Variants in DDC observed in about 807,000 individuals in gnomAD.
The protein encoded by DDC is dopa decarboxylase.
DDC carries 43 observed loss-of-function variants against 60.0 expected under a neutral mutation model. The ratio of observed to expected loss-of-function variants is 0.72; its 90% CI spans 0.56 to 0.92. The LOEUF is 0.92. Ranked by LOEUF, DDC falls within the 40% of genes least tolerant of loss-of-function variation. DDC has a pLI of 0.00. For missense variants in DDC, 573 were observed against 620.2 expected (o/e 0.92, Z 0.81); for synonymous variants, 232 against 234.6 (o/e 0.99, Z 0.10).
intron 4 of DDC, among the ~76,000 whole-genome samples, chr7:50,533,404 T>C (rs2153547133): frequency 6.6e-6 from 1 of 152,140 alleles, no homozygotes; most frequent in African/African-American, 2.4e-5. Flanking sequence ...CAAATGATTC[T>C]CCTGCCTCAA....
intron 1 of DDC, among the ~76,000 whole-genome samples, chr7:50,551,804 T>G (rs933539997): frequency 2.6e-5 from 4 of 152,220 alleles, no homozygotes; most frequent in Non-Finnish European, 5.9e-5. Context: ...TAGTGAAATC[T>G]CATAATCTTT....
intron 6 of DDC, among the ~76,000 whole-genome samples, chr7:50,508,789 C>T (rs541282110): frequency 6.6e-6 from 1 of 152,328 alleles, no homozygotes; most frequent in South Asian, 2.1e-4. Flanking sequence ...TGAGACAAGG[C>T]TCAGGCTCCA....
At chr7:50,534,921 G>A (rs2044345647) in intron 4 of DDC, among the ~76,000 whole-genome samples, 1 of 152,190 alleles carries the variant, frequency 6.6e-6, no homozygotes, top group East Asian at 1.9e-4. Flanking sequence ...CGGACAGTGT[G>A]CAGTAGCTCC....
intron 6 of DDC, among the ~76,000 whole-genome samples, chr7:50,514,626 T>C (rs1429815764): frequency 6.6e-6 from 1 of 152,074 alleles, no homozygotes; most frequent in Non-Finnish European, 1.5e-5. Context: ...AATAGATGCA[T>C]AAAGAAAAAG....
chr7:50,561,682 C>A (rs562689335), intron 1 of DDC, among the ~76,000 whole-genome samples: 13 of 152,224 alleles, frequency 8.5e-5, no homozygotes, highest in African/African-American at 2.9e-4. Context: ...CCCCTCCCCC[C>A]ACTCCTGGTT....
intron 14 of DDC, among the ~76,000 whole-genome samples, chr7:50,459,399 C>T (rs185667617): frequency 0.014 from 2,072 of 152,280 alleles, 36 homozygotes; most frequent in South Asian, 0.063. Flanking sequence ...AAGTGCGGAG[C>T]GTCTCTGCCT....
At chr7:50,485,156 T>C (rs573476438) in intron 9 of DDC, among the ~76,000 whole-genome samples, 1 of 152,328 alleles carries the variant, frequency 6.6e-6, no homozygotes, top group African/African-American at 2.4e-5. Context: ...AGGCCATCTT[T>C]TAAATGTGGA....
At chr7:50,482,992 T>C (rs2042802548) in intron 9 of DDC, among the ~76,000 whole-genome samples, 1 of 150,702 alleles carries the variant, frequency 6.6e-6, no homozygotes, top group South Asian at 2.1e-4. Flanking sequence ...CTTACATGTT[T>C]ACTTCTTTAT....
intron 1 of DDC, among the ~76,000 whole-genome samples, chr7:50,557,558 T>C (rs2045224985): frequency 6.6e-6 from 1 of 152,232 alleles, no homozygotes. Flanking sequence ...TTATGCCTAA[T>C]TACAAGGTGC....
At chr7:50,486,930 A>G (rs986449480) in intron 9 of DDC, among the ~76,000 whole-genome samples, 1 of 152,222 alleles carries the variant, frequency 6.6e-6, no homozygotes, top group African/African-American at 2.4e-5. Flanking sequence ...AGATGAATAC[A>G]TAATTGACTA....
chr7:50,537,405 T>C (rs1488208964), intron 4 of DDC, among the ~76,000 whole-genome samples: 4 of 152,252 alleles, frequency 2.6e-5, no homozygotes, highest in Non-Finnish European at 5.9e-5. Context: ...GACCCTAGTT[T>C]CCTCTCCTGT....
intron 12 of DDC, among the ~76,000 whole-genome samples, chr7:50,468,253 C>A (rs1175373620): frequency 6.6e-6 from 1 of 152,248 alleles, no homozygotes; most frequent in African/African-American, 2.4e-5. Context: ...AAGCCGGTTC[C>A]CGCCCAAGGA....
At chr7:50,541,848 T>A (rs1477829020) in intron 2 of DDC, among the ~76,000 whole-genome samples, 2 of 152,212 alleles carry the variant, frequency 1.3e-5, no homozygotes, top group Non-Finnish European at 2.9e-5. Context: ...AGATGTAGCA[T>A]GAGCAACCCC....
At chr7:50,540,479 AAAAC>A (rs1368823585) in intron 2 of DDC, among the ~76,000 whole-genome samples, 2 of 105,068 alleles carry the variant, frequency 1.9e-5, no homozygotes, top group African/African-American at 3.6e-5. Flanking sequence ...GTCTCCATTA[AAAAC>A]AAACAAACAA....
At chr7:50,488,165 AAATAT>A (rs780847949) in intron 9 of DDC, among the ~76,000 whole-genome samples, 4 of 152,182 alleles carry the variant, frequency 2.6e-5, no homozygotes, top group South Asian at 2.1e-4. Context: ...TTAATTAGAT[AAATAT>A]AATAGAATAA....
At chr7:50,479,647 A>G (rs1212673783) in intron 10 of DDC, 140 bp downstream of exon 10, 9 of 824,398 alleles carry the variant, frequency 1.1e-5, no homozygotes, top group African/African-American at 1.7e-5. Flanking sequence ...GGGCAAATCC[A>G]GGAATGCACA....
intron 9 of DDC, among the ~76,000 whole-genome samples, chr7:50,490,042 C>T (rs913932229): frequency 6.6e-5 from 10 of 152,244 alleles, no homozygotes; most frequent in South Asian, 2.1e-4. Context: ...TTTGAGTTAT[C>T]GCTTTGGCTA....
chr7:50,501,906 T>C lies in DDC; in HGVS notation c.781+2087A>G, dbSNP rs3779080. The stretch of plus-strand genomic sequence containing the variant: ...CTGGCCAATATGGTGAAACCCCATC[T>C]CTAATAAAAATACAAAAATTAGCCA... On this transcript the variant is annotated intron_variant, in intron 7 of 14. Transcript: ENST00000444124. Among the ~76,000 whole-genome samples the C allele has an allele frequency of 1.2e-4, 18 of 152,142 alleles. No homozygotes were observed. The East Asian group carries it at 2.9e-3, about 25-fold the overall frequency.
At chr7:50,552,070 G>A (rs1382450127) in intron 1 of DDC, among the ~76,000 whole-genome samples, 1 of 152,156 alleles carries the variant, frequency 6.6e-6, no homozygotes, top group African/African-American at 2.4e-5. Flanking sequence ...TACACCAAAA[G>A]AAATATTCCT....
Sources: gnomAD v4.1 joint callset for allele counts (sites outside exome capture counted in the v4.1 genomes callset) on GRCh38, gnomAD v4.1.1 for gene constraint, MANE v1.5 for transcripts, NCBI Gene and HGNC (gene_info 2026-07-23, HGNC 2026-07-21) for gene names.